The following CRTC3 variants were observed in gnomAD, a reference collection of about 807,000 sequenced individuals.
The protein encoded by CRTC3 is CREB-regulated transcription coactivator 3.
In CRTC3, 26 loss-of-function variants were observed where a neutral mutation model predicts 74.5. That is an observed-to-expected ratio of 0.35 (90% CI 0.26 to 0.48). The LOEUF (loss-of-function observed/expected upper bound fraction) is 0.48. CRTC3 is among the 20% of genes least tolerant of loss of function. CRTC3 has a pLI of 0.99. For missense variants in CRTC3, 760 were observed against 787.3 expected (o/e 0.97, Z 0.41); for synonymous variants, 377 against 325.8 (o/e 1.16, Z -1.69).
chr15:90,534,174 C>T lies in CRTC3; in HGVS notation c.132+3971C>T, dbSNP rs143380657. ...AGATGGTGGCAGTCGGGAGGCAGAG[C>T]GGTGAGCAGATTGATACTTAGGAGG... On this transcript the variant is annotated intron_variant, in intron 1 of 14. Transcript: ENST00000268184. Among the ~76,000 whole-genome samples, 23 of 152,064 alleles carry T rather than the reference C, an allele frequency of 1.5e-4. No individual in the cohort carries two copies. In the East Asian group the frequency reaches 3.9e-3, roughly 26 times the overall value.
rs1432024783 is a variant in CRTC3, at chr15:90,590,672, C to T, written c.232-2964C>T. Among the ~76,000 whole-genome samples the T allele has an allele frequency of 2.6e-5, 4 of 152,008 alleles. No homozygotes were observed. The South Asian group carries it at 8.3e-4, about 32-fold the overall frequency. ...ACTGCACCCGGCCCAGACTTAGCTC[C>T]TTCAGTTTCTGGCTTCCCTAACTGA... On this transcript the variant is annotated intron_variant, in intron 2 of 14. Transcript: ENST00000268184.
chr15:90,591,717 A>T (rs572839535), intron 2 of CRTC3, among the ~76,000 whole-genome samples: 1 of 152,354 alleles, frequency 6.6e-6, no homozygotes, highest in Non-Finnish European at 1.5e-5. Context: ...CAGGAGGCTG[A>T]GCCTGGGAAG....
chr15:90,571,607 C>T (rs895228753), intron 2 of CRTC3, among the ~76,000 whole-genome samples: 2 of 152,142 alleles, frequency 1.3e-5, no homozygotes, highest in Non-Finnish European at 2.9e-5. Flanking sequence ...ATTTGCTTGC[C>T]TGCTTGCTCA....
At chr15:90,583,627 G>A (rs1967592981) in intron 2 of CRTC3, among the ~76,000 whole-genome samples, 1 of 152,194 alleles carries the variant, frequency 6.6e-6, no homozygotes. Flanking sequence ...ATAGTGTAGT[G>A]CTGGCAGGCT....
At chr15:90,598,871 C>T (rs559996720) in intron 3 of CRTC3, 12 of 220,588 alleles carry the variant, frequency 5.4e-5, no homozygotes, top group Admixed American at 3.3e-4. Flanking sequence ...ACCAGGAAGA[C>T]GGGCACTGGC....
chr15:90,534,403 C>G lies in CRTC3; in HGVS notation c.132+4200C>G, dbSNP rs981936315. ...TGGTTTTGCAGCTCGAGAAGGAAGGCTGAGCTACTGAGAAAAATGGGGGAA... is the reference window on the plus strand; with the variant it reads ...TGGTTTTGCAGCTCGAGAAGGAAGGGTGAGCTACTGAGAAAAATGGGGGAA... On this transcript the variant is annotated intron_variant, in intron 1 of 14. Coordinates refer to ENST00000268184, the MANE Select transcript of CRTC3 (RefSeq NM_022769.5). Among the ~76,000 whole-genome samples the G allele has an allele frequency of 1.8e-4, 27 of 152,260 alleles. No homozygotes were observed. The East Asian group carries it at 3.1e-3, about 17-fold the overall frequency.
intron 1 of CRTC3, among the ~76,000 whole-genome samples, chr15:90,533,397 G>A (rs1596064458): frequency 6.7e-6 from 1 of 149,026 alleles, no homozygotes; most frequent in African/African-American, 2.5e-5. Context: ...CTCCAGCCTG[G>A]GCGACAGAGC....
intron 2 of CRTC3, among the ~76,000 whole-genome samples, chr15:90,589,647 C>A (rs1967752981): frequency 6.6e-6 from 1 of 152,250 alleles, no homozygotes; most frequent in African/African-American, 2.4e-5. Context: ...GCGTGAGCCA[C>A]TACAACCAGC....
At chr15:90,591,381 A>G (rs1369283170) in intron 2 of CRTC3, among the ~76,000 whole-genome samples, 5 of 152,044 alleles carry the variant, frequency 3.3e-5, no homozygotes, top group South Asian at 2.1e-4. Flanking sequence ...CCGCCTCCCA[A>G]AGTGCTGGGA....
intron 13 of CRTC3, among the ~76,000 whole-genome samples, chr15:90,639,956 G>A (rs1969380406): frequency 6.6e-6 from 1 of 152,036 alleles, no homozygotes; most frequent in Admixed American, 6.5e-5. Context: ...GGCTGAGGCA[G>A]GAGAATGGCG....
intron 2 of CRTC3, among the ~76,000 whole-genome samples, chr15:90,561,219 T>G (rs1967004947): frequency 6.6e-6 from 1 of 152,214 alleles, no homozygotes; most frequent in Non-Finnish European, 1.5e-5. Context: ...CAATACATAT[T>G]GCAAAGTTCC....
At position 90,643,531 on chromosome 15, in the gene CRTC3, C is replaced by G. The variant is rs772323744; in HGVS notation, c.*1391C>G. 15 of 228,920 alleles carry G rather than the reference C, an allele frequency of 6.6e-5. No homozygotes were observed. The highest frequency in any genetic ancestry group is 1.1e-4 in the Non-Finnish European group (13 of 115,468). The allele number at this position is 228,920 out of a possible 1,614,324, so 14.2% of individuals were successfully genotyped here. A position where few individuals can be genotyped will look rare whatever the true frequency, so the allele number is the denominator to read the frequency against. On this transcript the variant is annotated 3_prime_UTR_variant, in exon 15 of 15. Coordinates refer to ENST00000268184, the MANE Select transcript of CRTC3 (RefSeq NM_022769.5). ...TTCCTTCTCAGATCCACGTTTGGCT[C>G]TAAATTGCTTCAAGTAGAGATTCAT... is the stretch of plus-strand genomic sequence containing the variant.
At chr15:90,618,737 T>G (rs1567186938) in intron 8 of CRTC3, among the ~76,000 whole-genome samples, 1 of 152,230 alleles carries the variant, frequency 6.6e-6, no homozygotes, top group Non-Finnish European at 1.5e-5. Context: ...ACCATTAGCA[T>G]TAGTTGTCTT....
In CRTC3 at chr15:90,638,786, A is replaced by C; in HGVS notation, c.1519A>C (p.Met507Leu). 6.2e-7 allele frequency: 1 copy of C among 1,614,166 alleles called. No homozygotes were observed. Among genetic ancestry groups the C allele is most frequent in the Admixed American group, 1.7e-5 (1 of 60,028 alleles). The stretch of plus-strand genomic sequence containing the variant: ...AGATGTGGGTTTTGACCAGCAGTCC[A>C]TGAGGCCAGGCCCTGCCTTTCCTCA... The part of the protein sequence containing the change: ...FPDVGFDQQS[M>L]RPGPAFPQQV... The change falls in exon 13 of 15, where the codon ATG becomes CTG. Residue 507 changes from methionine (M) to leucine (L), a missense_variant. By Grantham distance (15) the Met-to-Leu change is conservative. Around this residue, in one of 2 missense-constraint regions of CRTC3, gnomAD observed 652 missense variants for 635.2 expected, o/e 1.03. Coordinates refer to ENST00000268184, the MANE Select transcript of CRTC3 (RefSeq NM_022769.5).
chr15:90,547,086 C>T (rs1207990638), intron 2 of CRTC3, among the ~76,000 whole-genome samples: 2 of 152,056 alleles, frequency 1.3e-5, no homozygotes, highest in Non-Finnish European at 2.9e-5. Context: ...ATACAATTCT[C>T]CTTTTATTTT....
chr15:90,635,035 A>C lies in CRTC3; in HGVS notation c.1267-3411A>C. On this transcript the variant is annotated intron_variant, in intron 11 of 14. Transcript: ENST00000268184. Reference sequence around the variant, plus strand: ...ATTCTTGGAAAGTACATAGACTGAAATAAGTCACTACTGAAATGGCATCAG... The same window carrying C: ...ATTCTTGGAAAGTACATAGACTGAACTAAGTCACTACTGAAATGGCATCAG... The C allele has an allele frequency of 2.8e-6, 3 of 1,053,652 alleles. No individual in the cohort carries two copies. The South Asian group carries it at 3.7e-5, about 13-fold the overall frequency. 65.3% of individuals were successfully genotyped at this position (1,053,652 alleles called of 1,614,324 possible).
At chr15:90,574,543 A>C (rs1388945372) in intron 2 of CRTC3, among the ~76,000 whole-genome samples, 1 of 152,204 alleles carries the variant, frequency 6.6e-6, no homozygotes, top group African/African-American at 2.4e-5. Context: ...TTTCATACAT[A>C]TACAGGTATA....
chr15:90,626,008 C>A lies in CRTC3; in HGVS notation c.967+15C>A. 6.2e-7 allele frequency: 1 copy of A among 1,603,768 alleles called. No homozygotes were observed. Among genetic ancestry groups the A allele is most frequent in the South Asian group, 1.1e-5 (1 of 90,882 alleles). Reference sequence around the variant, plus strand: ...AAGCTCCTCTGGTGAGTATCTCCTGCTTAGCAGTGACCTGGTGGCTTAATC... The same window carrying A: ...AAGCTCCTCTGGTGAGTATCTCCTGATTAGCAGTGACCTGGTGGCTTAATC... On this transcript the variant is annotated intron_variant, in intron 10 of 14. Transcript: ENST00000268184.
chr15:90,536,215 T>G (rs558218784), intron 1 of CRTC3, among the ~76,000 whole-genome samples: 4 of 152,172 alleles, frequency 2.6e-5, no homozygotes, highest in Non-Finnish European at 5.9e-5. Flanking sequence ...AACCTGGTAA[T>G]TTAAGTCCTC....
Sources: allele counts gnomAD v4.1 joint callset (sites outside exome capture counted in the v4.1 genomes callset), GRCh38; gene constraint gnomAD v4.1.1; regional missense constraint gnomAD v4.1.1; transcripts MANE v1.5; gene names NCBI Gene and HGNC (gene_info 2026-07-23, HGNC 2026-07-21).